The following PMFBP1 variants were observed in gnomAD, a reference collection of about 807,000 sequenced individuals.
PMFBP1 encodes the protein polyamine-modulated factor 1-binding protein 1.
Under a neutral mutation model 137.8 loss-of-function variants are expected in PMFBP1, and 131 were observed. That is an observed-to-expected ratio of 0.95 (90% confidence interval 0.82 to 1.10). PMFBP1 has a LOEUF of 1.10. Ranked by LOEUF, PMFBP1 falls within the 50% of genes least tolerant of loss-of-function variation. PMFBP1 has a pLI of 0.00. For synonymous variants in PMFBP1, 490 were observed against 450.4 expected (o/e 1.09, Z -1.11); for missense variants, 1,199 against 1,175.4 (o/e 1.02, Z -0.29).
the PMFBP1 span, among the ~76,000 whole-genome samples, chr16:72,224,305 C>T: frequency 1.1e-4 from 16 of 152,270 alleles, no homozygotes; most frequent in Admixed American, 9.8e-4. Flanking sequence ...GAGCCTCTTC[C>T]TGAGTTTCCC....
the PMFBP1 span, among the ~76,000 whole-genome samples, chr16:72,219,080 C>T: frequency 3.9e-5 from 6 of 152,028 alleles, no homozygotes; most frequent in African/African-American, 1.5e-4. Flanking sequence ...TGTGGAGTGG[C>T]TAAATCAAGT....
At chr16:72,186,497 T>C in the PMFBP1 span, among the ~76,000 whole-genome samples, 1 of 152,094 alleles carries the variant, frequency 6.6e-6, no homozygotes, top group African/African-American at 2.4e-5. Context: ...GAGCTGTAGA[T>C]GCGAGAATTC....
At position 72,136,815 on chromosome 16, in the gene PMFBP1, A is replaced by G. The variant is rs2042640107; in HGVS notation, c.923T>C (p.Leu308Pro). The G allele has an allele frequency of 6.2e-7, 1 of 1,614,128 alleles. No homozygotes were observed. The highest frequency in any genetic ancestry group is 8.5e-7 in the Non-Finnish European group (1 of 1,180,036). ...SEECEDIKKI[L>P]KHLQEQKDSQ... ...GTCTTTCTGCTCCTGCAAGTGCTTC[A>G]GTATCTGGCAGATGGAAGAACAGGG... Residue 308 changes from leucine (L) to proline (P), a missense_variant, in exon 8 of 21, where the codon CTG becomes CCG. Physicochemically the swap from Leu to Pro is moderately conservative, Grantham distance 98. Transcript: ENST00000237353.
the PMFBP1 span, among the ~76,000 whole-genome samples, chr16:72,228,109 T>C: frequency 2.6e-5 from 4 of 152,104 alleles, no homozygotes; most frequent in African/African-American, 7.2e-5. Flanking sequence ...TTGTTAAACA[T>C]CTTAAGGAAA....
intron 3 of PMFBP1, among the ~76,000 whole-genome samples, chr16:72,157,210 AAC>A (rs369090116): frequency 4.1e-4 from 48 of 117,114 alleles, no homozygotes; most frequent in Middle Eastern, 4.3e-3. Flanking sequence ...AAAAAAAAAA[AAC>A]CAGACAAAAT....
chr16:72,229,979 G>A, the PMFBP1 span, among the ~76,000 whole-genome samples: 8 of 152,176 alleles, frequency 5.3e-5, no homozygotes, highest in South Asian at 2.1e-4. Context: ...GGTACACACC[G>A]CTGAAGGCTG....
chr16:72,151,677 C>A (rs1481804910), intron 4 of PMFBP1, among the ~76,000 whole-genome samples: 1 of 152,148 alleles, frequency 6.6e-6, no homozygotes, highest in Admixed American at 6.6e-5. Context: ...TGAGATTCTT[C>A]TTAGGAAAGG....
chr16:72,236,867 C>G, the PMFBP1 span, among the ~76,000 whole-genome samples: 1 of 152,126 alleles, frequency 6.6e-6, no homozygotes, highest in Non-Finnish European at 1.5e-5. Context: ...GAAAGGGGAG[C>G]AAATAATTGA....
At chr16:72,219,005 A>G in the PMFBP1 span, among the ~76,000 whole-genome samples, 1 of 152,248 alleles carries the variant, frequency 6.6e-6, no homozygotes, top group Non-Finnish European at 1.5e-5. Context: ...TTAAGTAATT[A>G]TTTTAAATTA....
chr16:72,154,412 T>C lies in PMFBP1; in HGVS notation c.213A>G (p.Glu71=), dbSNP rs764003219. The C allele has an allele frequency of 1.1e-5, 18 of 1,614,008 alleles. No homozygotes were observed. The highest frequency in any genetic ancestry group is 1.5e-5 in the Non-Finnish European group (18 of 1,179,996). ...GATGACACTGTTTACTGGACCCAAA[T>C]TCCACCTCTGACTCCTCGAATGCTA... ...QALAFEESEV[E]FGSSKQCHLR... The change falls in exon 4 of 21, where the codon GAA becomes GAG. Residue 71 remains glutamate (E), a synonymous_variant. Transcript: ENST00000237353.
chr16:72,136,190 T>C (rs2042628380), intron 9 of PMFBP1, among the ~76,000 whole-genome samples: 1 of 152,186 alleles, frequency 6.6e-6, no homozygotes, highest in South Asian at 2.1e-4. Context: ...TCACAAATGC[T>C]CTTGCTACCT....
chr16:72,168,172 T>C (rs530253984), intron 2 of PMFBP1, among the ~76,000 whole-genome samples: 31 of 152,364 alleles, frequency 2.0e-4, no homozygotes, highest in African/African-American at 6.7e-4. Context: ...TATGTTTTGA[T>C]GGATGTCAAG....
chr16:72,143,401 G>A (rs1307988278), intron 5 of PMFBP1, among the ~76,000 whole-genome samples: 1 of 152,214 alleles, frequency 6.6e-6, no homozygotes, highest in Non-Finnish European at 1.5e-5. Context: ...TGGTAAGAGA[G>A]CTCAGTAAGG....
the PMFBP1 span, among the ~76,000 whole-genome samples, chr16:72,201,654 T>C: frequency 6.6e-6 from 1 of 152,290 alleles, no homozygotes; most frequent in South Asian, 2.1e-4. Flanking sequence ...TGCAGTGCAT[T>C]TCCCACTTAT....
chr16:72,153,103 T>G (rs1200031309), intron 4 of PMFBP1, among the ~76,000 whole-genome samples: 1 of 152,234 alleles, frequency 6.6e-6, no homozygotes, highest in Admixed American at 6.5e-5. Flanking sequence ...CAGGGTCACT[T>G]TATCCAGGCT....
At chr16:72,136,855 G>A (rs760239919) in intron 7 of PMFBP1, 36 bp from the exon 8 acceptor site, 2 of 1,612,902 alleles carry the variant, frequency 1.2e-6, no homozygotes, top group East Asian at 4.5e-5. Context: ...ATGAGGAGAT[G>A]AGAGACAATG....
intron 3 of PMFBP1, among the ~76,000 whole-genome samples, chr16:72,163,776 C>G (rs2043098802): frequency 6.6e-6 from 1 of 152,162 alleles, no homozygotes; most frequent in Non-Finnish European, 1.5e-5. Context: ...TCACAGCAAC[C>G]TGGATGGAAT....
At chr16:72,144,233 T>A (rs2042768373) in intron 5 of PMFBP1, among the ~76,000 whole-genome samples, 1 of 152,120 alleles carries the variant, frequency 6.6e-6, no homozygotes, top group Non-Finnish European at 1.5e-5. Flanking sequence ...CAGGGCATGC[T>A]AATTTCCCCC....
the PMFBP1 span, among the ~76,000 whole-genome samples, chr16:72,218,390 C>T: frequency 3.2e-3 from 486 of 151,844 alleles, 1 homozygote; most frequent in African/African-American, 0.011. Context: ...TGCAGTGGCG[C>T]GGTCTTGGCT....
Sources: allele counts gnomAD v4.1 joint callset (sites outside exome capture counted in the v4.1 genomes callset), GRCh38; gene constraint gnomAD v4.1.1; transcripts MANE v1.5; gene names NCBI Gene and HGNC (gene_info 2026-07-23, HGNC 2026-07-21).